The following SIRPB2 variants were observed in gnomAD, a reference collection of about 807,000 sequenced individuals.
SIRPB2 encodes signal regulatory protein beta 2.
Under a neutral mutation model 27.1 loss-of-function variants are expected in SIRPB2, and 18 were observed. The ratio of observed to expected loss-of-function variants is 0.66; its 90% CI spans 0.46 to 0.98. The LOEUF is 0.98. Ranked by LOEUF, SIRPB2 falls within the 50% of genes least tolerant of loss-of-function variation. SIRPB2 has a pLI of 0.00. For synonymous variants in SIRPB2, 150 were observed against 164.6 expected (o/e 0.91, Z 0.68); for missense variants, 420 against 417.4 (o/e 1.01, Z -0.06).
chr20:1,487,798 A>C (rs559509149), intron 1 of SIRPB2, among the ~76,000 whole-genome samples: 7 of 152,342 alleles, frequency 4.6e-5, no homozygotes, highest in African/African-American at 1.7e-4. Flanking sequence ...GCTCCTAACT[A>C]TAATTATTTG....
chr20:1,489,073 A>G (rs2090753416), intron 1 of SIRPB2, among the ~76,000 whole-genome samples: 1 of 152,226 alleles, frequency 6.6e-6, no homozygotes, highest in Non-Finnish European at 1.5e-5. Flanking sequence ...ATCTCAAAAT[A>G]ATTATGCGGA....
At chr20:1,487,028 A>G (rs959000745) in intron 1 of SIRPB2, among the ~76,000 whole-genome samples, 4 of 152,224 alleles carry the variant, frequency 2.6e-5, no homozygotes, top group Admixed American at 2.6e-4. Flanking sequence ...GAAAGAAAAA[A>G]GAAAACTGTC....
intron 3 of SIRPB2, 188 bp downstream of exon 3, chr20:1,478,078 C>T: frequency 4.3e-6 from 3 of 704,466 alleles, no homozygotes; most frequent in South Asian, 3.0e-5. Context: ...AGAGGAAGGG[C>T]CATTTGTGCT....
In SIRPB2 at chr20:1,478,360, G is replaced by A. The variant is rs745563218; in HGVS notation, c.699C>T (p.Ser233=). 1 of 1,614,184 alleles carries A rather than the reference G, an allele frequency of 6.2e-7. No homozygotes were observed. The highest frequency in any genetic ancestry group is 1.1e-5 in the South Asian group (1 of 91,082). The change falls in exon 3 of 5, where the codon TCC becomes TCT. Residue 233 remains serine (S), a synonymous_variant. Transcript: ENST00000359801. ...NDFSILLQNV[S]SEDAGTYYCV... ...AGTAATAGGTGCCTGCATCCTCACT[G>A]GAGACGTTTTGCAGAAGAATGCTGA...
At chr20:1,489,600 T>C (rs80021678) in intron 1 of SIRPB2, among the ~76,000 whole-genome samples, 1,617 of 152,252 alleles carry the variant, frequency 0.011, 34 homozygotes, top group African/African-American at 0.038. Context: ...ACTTGGGCTT[T>C]AGGAGGTGTC....
intron 4 of SIRPB2, 34 bp from the exon 5 acceptor site, chr20:1,476,370 C>A: frequency 6.3e-7 from 1 of 1,589,060 alleles, no homozygotes; most frequent in Non-Finnish European, 8.6e-7. Flanking sequence ...AGGCGGGACC[C>A]GTGGTGAGGG....
intron 1 of SIRPB2, among the ~76,000 whole-genome samples, chr20:1,486,699 A>AAC (rs140477377): frequency 3.0e-4 from 46 of 151,724 alleles, no homozygotes; most frequent in African/African-American, 7.7e-4. Context: ...TTACTAAACT[A>AAC]ACACACACAC....
intron 1 of SIRPB2, among the ~76,000 whole-genome samples, chr20:1,488,296 A>G (rs1266420891): frequency 6.6e-6 from 1 of 152,206 alleles, no homozygotes; most frequent in Non-Finnish European, 1.5e-5. Context: ...ACCAAAAAGG[A>G]TGCATGATGT....
chr20:1,478,625 G>A lies in SIRPB2; in HGVS notation c.452-18C>T. 6.5e-7 allele frequency: 1 copy of A among 1,530,586 alleles called. No individual in the cohort carries two copies. Among genetic ancestry groups the A allele is most frequent in the Non-Finnish European group, 8.8e-7 (1 of 1,135,574 alleles). 94.8% of individuals were successfully genotyped at this position (1,530,586 alleles called of 1,614,324 possible). On this transcript the variant is annotated intron_variant, in intron 2 of 4. Coordinates refer to ENST00000359801, the MANE Select transcript of SIRPB2 (RefSeq NM_001122962.2). The stretch of plus-strand genomic sequence containing the variant: ...CCCAGCTCCTGAAGCCAAAGAGGAG[G>A]TCCTTGTTGAATTCCCTCTCCTCTT...
At chr20:1,470,852 C>A (rs558775584), downstream of SIRPB2, 1 of 152,336 alleles carries the variant, frequency 6.6e-6, no homozygotes, top group African/African-American at 2.4e-5. Context: ...AAGTGACGCT[C>A]CCTCATGCCC....
chr20:1,483,643 T>A (rs1483628148), intron 1 of SIRPB2, among the ~76,000 whole-genome samples: 2 of 152,344 alleles, frequency 1.3e-5, no homozygotes, highest in East Asian at 3.9e-4. Flanking sequence ...GAGTTCCTTG[T>A]ATATTCCAGA....
intron 3 of SIRPB2, 129 bp downstream of exon 3, chr20:1,478,137 C>T: frequency 1.1e-6 from 1 of 874,060 alleles, no homozygotes; most frequent in Admixed American, 2.0e-5. Flanking sequence ...AGAAAGCATT[C>T]CAGGTAGAGG....
intron 1 of SIRPB2, among the ~76,000 whole-genome samples, chr20:1,482,538 TCTTCCTTCCTTC>T (rs368666155): frequency 6.7e-6 from 1 of 149,362 alleles, no homozygotes; most frequent in Admixed American, 6.6e-5. Context: ...TTTCTTCCTT[TCTTCCTTCCTTC>T]CTTCCTTCCT....
At chr20:1,480,401 G>A in intron 1 of SIRPB2, 1 of 249,312 alleles carries the variant, frequency 4.0e-6, no homozygotes, top group East Asian at 8.8e-5. Context: ...GGTCCGGAAA[G>A]GTTAGGCAGC....
chr20:1,490,100 T>C (rs764359634), intron 1 of SIRPB2, among the ~76,000 whole-genome samples: 3 of 152,198 alleles, frequency 2.0e-5, no homozygotes, highest in Admixed American at 2.0e-4. Context: ...TTTTTTATTC[T>C]GAGTAGTTTA....
In SIRPB2 at chr20:1,474,952, G is replaced by A. The variant is rs573546908; in HGVS notation, c.*1215C>T. The A allele has an allele frequency of 6.6e-6, 1 of 152,480 alleles. No homozygotes were observed. The highest frequency in any genetic ancestry group is 2.1e-4 in the South Asian group (1 of 4,828). The allele number at this position is 152,480 out of a possible 1,614,324, so 9.4% of individuals were successfully genotyped here. A position where few individuals can be genotyped will look rare whatever the true frequency, so the allele number is the denominator to read the frequency against. On this transcript the variant is annotated 3_prime_UTR_variant, in exon 5 of 5. Transcript: ENST00000359801. ...CCGTGATGGGAAGGGACTCTGATTA[G>A]TCACTGAGGGTGCACAGGGAGGAGG...
At chr20:1,486,496 C>A (rs1237813727) in intron 1 of SIRPB2, among the ~76,000 whole-genome samples, 1 of 152,070 alleles carries the variant, frequency 6.6e-6, no homozygotes, top group Non-Finnish European at 1.5e-5. Flanking sequence ...GAAACCGAAG[C>A]CTTTTCCTTT....
In SIRPB2 at chr20:1,475,766, G is replaced by GT; in HGVS notation, c.*400_*401insA. 1 of 145,038 alleles carries GT rather than the reference G, an allele frequency of 6.9e-6. No individual in the cohort carries two copies. The highest frequency in any genetic ancestry group is 2.1e-4 in the South Asian group (1 of 4,810). 9.0% of individuals were successfully genotyped at this position (145,038 alleles called of 1,614,324 possible). A position where few individuals can be genotyped will look rare whatever the true frequency, so the allele number is the denominator to read the frequency against. On this transcript the variant is annotated 3_prime_UTR_variant, in exon 5 of 5. Transcript: ENST00000359801. ...AGAAAGGTGTAGATGGAGGGGCACAGATGGTCTGGCTGGTTGAGTTCAGAG... is the reference window on the plus strand; with the variant it reads ...AGAAAGGTGTAGATGGAGGGGCACAGTATGGTCTGGCTGGTTGAGTTCAGAG...
Position 1,478,433 on chromosome 20 carries a change from C to A in SIRPB2, c.626G>T (p.Gly209Val), listed in dbSNP as rs2090631592. 5.0e-6 allele frequency: 8 copies of A among 1,614,082 alleles called. No individual in the cohort carries two copies. Among genetic ancestry groups the A allele is most frequent in the Non-Finnish European group, 6.8e-6 (8 of 1,180,042 alleles). Residue 209 changes from glycine (G) to valine (V), a missense_variant, in exon 3 of 5, where the codon GGC (glycine) becomes GTC (valine). Coordinates refer to ENST00000359801, the MANE Select transcript of SIRPB2 (RefSeq NM_001122962.2). ...CGCTGTCTCCTTGGGGTGGGAGATGCCTCCAAAGTTGTAAATGGCCTCCCG... is the reference window on the plus strand; with the variant it reads ...CGCTGTCTCCTTGGGGTGGGAGATGACTCCAAAGTTGTAAATGGCCTCCCG... ...LSREAIYNFG[G>V]ISHPKETAVQ...
Sources: allele counts gnomAD v4.1 joint callset (sites outside exome capture counted in the v4.1 genomes callset), GRCh38; gene constraint gnomAD v4.1.1; transcripts MANE v1.5; gene names NCBI Gene and HGNC (gene_info 2026-07-23, HGNC 2026-07-21).